The following APOBEC1 variants were observed in gnomAD, a reference collection of about 807,000 sequenced individuals.
APOBEC1 encodes the protein C->U-editing enzyme APOBEC-1.
In APOBEC1, 22 loss-of-function variants were observed where a neutral mutation model predicts 26.3. That is an observed-to-expected ratio of 0.84 (90% CI 0.60 to 1.19). The LOEUF (loss-of-function observed/expected upper bound fraction) is 1.19. Among genes scored for constraint, APOBEC1 ranks in the 50% most tolerant of loss-of-function variants. The pLI is 0.00. For synonymous variants in APOBEC1, 77 were observed against 95.3 expected (o/e 0.81, Z 1.12); for missense variants, 253 against 289.0 (o/e 0.88, Z 0.90).
upstream of APOBEC1, among the ~76,000 whole-genome samples, chr12:7,668,015 G>T (rs1304819741): frequency 6.6e-6 from 1 of 152,038 alleles, no homozygotes. Flanking sequence ...TGCCAAAAGG[G>T]TCTTTGTCGT....
intron 1 of APOBEC1, among the ~76,000 whole-genome samples, chr12:7,665,544 C>G (rs1863880441): frequency 6.6e-6 from 1 of 152,038 alleles, no homozygotes; most frequent in Admixed American, 6.6e-5. Flanking sequence ...GTGATCCACC[C>G]TCCTTGGACT....
upstream of APOBEC1, among the ~76,000 whole-genome samples, chr12:7,668,770 C>T (rs1863921900): frequency 1.3e-5 from 2 of 152,030 alleles, no homozygotes; most frequent in Admixed American, 1.3e-4. Flanking sequence ...CCTCTATCGC[C>T]CAGGCTGGAG....
At chr12:7,661,970 T>C (rs2136855033) in intron 1 of APOBEC1, among the ~76,000 whole-genome samples, 1 of 152,230 alleles carries the variant, frequency 6.6e-6, no homozygotes, top group East Asian at 1.9e-4. Context: ...CCTGGCTGGG[T>C]GCCATAGCTC....
At chr12:7,665,764 C>T in intron 1 of APOBEC1, 93 bp downstream of exon 1, 2 of 518,250 alleles carry the variant, frequency 3.9e-6, no homozygotes, top group East Asian at 7.0e-5. Flanking sequence ...CACACACACA[C>T]ACACACACAC....
At chr12:7,669,040 C>A (rs6488566), upstream of APOBEC1, among the ~76,000 whole-genome samples, 48,980 of 152,000 alleles carry the variant, frequency 0.32, 8,094 homozygotes, top group African/African-American at 0.36. Context: ...CCAGCACCCC[C>A]CAATTCTGTG....
chr12:7,654,546 T>C (rs1863687753), intron 2 of APOBEC1, 59 bp downstream of exon 2: 1 of 1,562,364 alleles, frequency 6.4e-7, no homozygotes, highest in South Asian at 1.1e-5. Flanking sequence ...TGCACAGCTC[T>C]TAAATACCCA....
intron 1 of APOBEC1, among the ~76,000 whole-genome samples, chr12:7,660,375 G>GGAAGGAAAGAAAGAAAGAAAGAAAGAAA (rs61183510): frequency 6.7e-4 from 16 of 23,958 alleles, no homozygotes; most frequent in East Asian, 4.4e-3. Flanking sequence ...AAGGAAGGAA[G>GGAAGGAAAGAAAGAAAGAAAGAAAGAAA]GAAAGAAAGA....
At position 7,649,971 on chromosome 12, in the gene APOBEC1, A is replaced by C. The variant is rs561599681; in HGVS notation, c.562-275T>G. ...GCTGGGACTACAGGCACGCACCACCACACCCAGCTAATTTTTTTGTGTTTT... is the reference window on the plus strand; with the variant it reads ...GCTGGGACTACAGGCACGCACCACCCCACCCAGCTAATTTTTTTGTGTTTT... On this transcript the variant is annotated intron_variant, in intron 4 of 4. Coordinates refer to ENST00000229304, the MANE Select transcript of APOBEC1 (RefSeq NM_001644.5). Among the ~76,000 whole-genome samples, 164 of 151,972 alleles carry C rather than the reference A, an allele frequency of 1.1e-3. 5 individuals are homozygous for C. The South Asian group carries it at 0.033, about 31-fold the overall frequency.
intron 4 of APOBEC1, among the ~76,000 whole-genome samples, chr12:7,650,566 G>T (rs917124191): frequency 6.6e-6 from 1 of 152,152 alleles, no homozygotes. Context: ...CTTAGATGTT[G>T]TTTGTTTGCT....
rs973896833 is a variant in APOBEC1 at position 7,651,047 on chromosome 12, T to G, written c.537A>C (p.Ala179=). Residue 179 remains alanine (A), a synonymous_variant, in exon 4 of 5, where the codon GCA becomes GCC. Coordinates refer to ENST00000229304, the MANE Select transcript of APOBEC1 (RefSeq NM_001644.5). ...CTAGAATTATGCAGTGCAGCTCCAGTGCGTACAACATCATCCACAGAGGTG... is the reference window on the plus strand; with the variant it reads ...CTAGAATTATGCAGTGCAGCTCCAGGGCGTACAACATCATCCACAGAGGTG... ...QYPPLWMMLY[A]LELHCIILSL... is the part of the protein sequence containing the mutation. The G allele has an allele frequency of 6.2e-6, 10 of 1,613,766 alleles. No homozygotes were observed. The highest frequency in any genetic ancestry group is 7.6e-6 in the Non-Finnish European group (9 of 1,179,636).
chr12:7,653,270 T>C (rs1311304774), intron 2 of APOBEC1, among the ~76,000 whole-genome samples: 2 of 152,158 alleles, frequency 1.3e-5, no homozygotes, highest in Non-Finnish European at 2.9e-5. Flanking sequence ...AGACATAACA[T>C]CTCAGGAAAC....
chr12:7,650,249 A>G (rs192040667), intron 4 of APOBEC1, among the ~76,000 whole-genome samples: 1 of 152,340 alleles, frequency 6.6e-6, no homozygotes, highest in East Asian at 1.9e-4. Context: ...AACAATAATA[A>G]TGATAAAGCC....
chr12:7,660,716 A>G (rs1863805608), intron 1 of APOBEC1, among the ~76,000 whole-genome samples: 1 of 151,518 alleles, frequency 6.6e-6, no homozygotes, highest in Non-Finnish European at 1.5e-5. Context: ...AAAAAAAAAA[A>G]AAGGGTATTT....
chr12:7,659,972 AAAAT>A (rs1275881474), intron 1 of APOBEC1, among the ~76,000 whole-genome samples: 1 of 152,034 alleles, frequency 6.6e-6, no homozygotes, highest in Admixed American at 6.6e-5. Flanking sequence ...ACGTCTCAAA[AAAAT>A]AAATAAATAA....
At chr12:7,654,677 A>G (rs780875750) in intron 1 of APOBEC1, 45 bp from the exon 2 acceptor site, 4 of 1,593,862 alleles carry the variant, frequency 2.5e-6, no homozygotes, top group Non-Finnish European at 3.4e-6. Context: ...TCAAATATCA[A>G]ATGAGTTGCT....
chr12:7,653,999 T>C (rs1444580152), intron 2 of APOBEC1, among the ~76,000 whole-genome samples: 1 of 152,322 alleles, frequency 6.6e-6, no homozygotes, highest in East Asian at 1.9e-4. Flanking sequence ...AAGTATCACA[T>C]TCATTTACTA....
intron 4 of APOBEC1, 122 bp from the exon 5 acceptor site, chr12:7,649,818 T>C: frequency 2.3e-6 from 2 of 881,512 alleles, no homozygotes; most frequent in East Asian, 2.7e-5. Flanking sequence ...TTTTTTTTTT[T>C]TCCCAGACAG....
chr12:7,655,987 T>A (rs1036411462), intron 1 of APOBEC1, among the ~76,000 whole-genome samples: 1 of 152,052 alleles, frequency 6.6e-6, no homozygotes, highest in Admixed American at 6.6e-5. Context: ...TCTTAAAAAA[T>A]TAAAATTTTA....
At chr12:7,660,958 C>T (rs1015108014) in intron 1 of APOBEC1, among the ~76,000 whole-genome samples, 5 of 147,734 alleles carry the variant, frequency 3.4e-5, no homozygotes, top group South Asian at 2.1e-4. Flanking sequence ...CTTTGGGAGG[C>T]GGAGGCGGGT....
Sources: allele counts gnomAD v4.1 joint callset (sites outside exome capture counted in the v4.1 genomes callset), GRCh38; gene constraint gnomAD v4.1.1; transcripts MANE v1.5; gene names NCBI Gene and HGNC (gene_info 2026-07-23, HGNC 2026-07-21).